Variants in PLS1 observed in about 807,000 individuals in gnomAD.
PLS1 encodes the protein plastin 1, also known as plastin-1.
PLS1 carries 32 observed loss-of-function variants against 73.7 expected under a neutral mutation model. That is an observed-to-expected ratio of 0.43 (90% CI 0.33 to 0.58). The LOEUF is 0.58. PLS1 is among the 20% of genes least tolerant of loss of function. PLS1 has a pLI of 0.04. For synonymous variants in PLS1, 217 were observed against 261.3 expected, an observed-to-expected ratio of 0.83 and a Z score of 1.63; for missense variants, 633 against 740.5, an observed-to-expected ratio of 0.85 and a Z score of 1.68.
intron 1 of PLS1, among the ~76,000 whole-genome samples, chr3:142,615,700 A>G (rs924435587): frequency 2.0e-5 from 3 of 152,162 alleles, no homozygotes; most frequent in Non-Finnish European, 4.4e-5. Context: ...GTCTGTTATC[A>G]TGTGAAGGAA....
intron 1 of PLS1, among the ~76,000 whole-genome samples, chr3:142,652,011 G>A (rs1217957803): frequency 6.6e-6 from 1 of 152,126 alleles, no homozygotes; most frequent in African/African-American, 2.4e-5. Flanking sequence ...TTTCCAGGGG[G>A]TAGGCATTAT....
At chr3:142,692,054 A>G (rs930337932) in intron 10 of PLS1, among the ~76,000 whole-genome samples, 1 of 152,080 alleles carries the variant, frequency 6.6e-6, no homozygotes, top group African/African-American at 2.4e-5. Context: ...AGACTAATAA[A>G]CTTAATTTGA....
chr3:142,617,405 T>C (rs573616667), intron 1 of PLS1, among the ~76,000 whole-genome samples: 3 of 152,342 alleles, frequency 2.0e-5, no homozygotes, highest in East Asian at 1.9e-4. Flanking sequence ...GTGATCATCA[T>C]AGTAACTGAA....
intron 1 of PLS1, among the ~76,000 whole-genome samples, chr3:142,632,623 G>C: frequency 6.6e-6 from 1 of 150,858 alleles, no homozygotes; most frequent in East Asian, 1.9e-4. Flanking sequence ...CCCTGAGACG[G>C]GGTCTTGTTC....
intron 10 of PLS1, among the ~76,000 whole-genome samples, chr3:142,690,252 A>T (rs893673112): frequency 1.3e-5 from 2 of 152,160 alleles, no homozygotes; most frequent in East Asian, 3.8e-4. Flanking sequence ...GTCTATCGTT[A>T]TCTGTCTCAT....
chr3:142,644,353 G>A lies in PLS1; in HGVS notation c.-36-19849G>A, dbSNP rs1027344456. 2.0e-5 allele frequency among the ~76,000 whole-genome samples: 3 copies of A among 151,736 alleles called. No homozygotes were observed. In the East Asian group the frequency reaches 5.8e-4, roughly 29 times the overall value. ...GCAGCCTCGACTTCCCAGGCTCAAG[G>A]GATTCTCCTACCTCAGCCTCCTGAG... On this transcript the variant is annotated intron_variant, in intron 1 of 15. Transcript: ENST00000457734.
chr3:142,669,300 T>C, intron 2 of PLS1, 90 bp from the exon 3 acceptor site: 1 of 678,642 alleles, frequency 1.5e-6, no homozygotes, highest in Non-Finnish European at 2.4e-6. Context: ...AAAGGCTCTG[T>C]CTGCACATCT....
intron 13 of PLS1, 36 bp from the exon 14 acceptor site, chr3:142,704,427 C>G: frequency 6.4e-7 from 1 of 1,552,356 alleles, no homozygotes. Flanking sequence ...AAATTTCACC[C>G]TTTTCAGTCT....
In PLS1 at chr3:142,701,923, T is replaced by A. The variant is rs1347368351; in HGVS notation, c.1372-1945T>A. Among the ~76,000 whole-genome samples the A allele has an allele frequency of 2.0e-5, 3 of 152,380 alleles. No homozygotes were observed. In the East Asian group the frequency reaches 5.8e-4, roughly 29 times the overall value. ...ATTCAAGTGCTAATGTTATTTTCCATAAATTAGGAATCTATTCTATTTTTT... is the reference window on the plus strand; with the variant it reads ...ATTCAAGTGCTAATGTTATTTTCCAAAAATTAGGAATCTATTCTATTTTTT... On this transcript the variant is annotated intron_variant, in intron 12 of 15. Transcript: ENST00000457734.
chr3:142,684,227 T>G, intron 7 of PLS1, 26 bp from the exon 8 acceptor site: 1 of 1,613,926 alleles, frequency 6.2e-7, no homozygotes, highest in Non-Finnish European at 8.5e-7. Context: ...ATGGGAAGAA[T>G]TTACATTTCG....
intron 11 of PLS1, among the ~76,000 whole-genome samples, chr3:142,695,757 CTTACTTATTTA>C (rs1323883894): frequency 5.9e-5 from 8 of 135,026 alleles, no homozygotes; most frequent in African/African-American, 2.1e-4. Flanking sequence ...AGTAAGGAGA[CTTACTTATTTA>C]TTTATTTATT....
At chr3:142,691,456 T>TA in intron 10 of PLS1, among the ~76,000 whole-genome samples, 1 of 152,138 alleles carries the variant, frequency 6.6e-6, no homozygotes, top group Non-Finnish European at 1.5e-5. Flanking sequence ...AGTGGCATAT[T>TA]AAAAATGATC....
At chr3:142,665,365 A>G (rs924835592) in intron 2 of PLS1, among the ~76,000 whole-genome samples, 3 of 151,944 alleles carry the variant, frequency 2.0e-5, no homozygotes, top group African/African-American at 7.2e-5. Context: ...TTACTGTGAA[A>G]TAAAGTAAAC....
At chr3:142,638,637 T>C (rs568485672) in intron 1 of PLS1, among the ~76,000 whole-genome samples, 39 of 152,372 alleles carry the variant, frequency 2.6e-4, no homozygotes, top group South Asian at 1.0e-3. Flanking sequence ...GCTTGTATTA[T>C]ATTTGATTTA....
intron 1 of PLS1, chr3:142,619,336 T>C (rs2036273989): frequency 1.3e-5 from 2 of 152,192 alleles, no homozygotes. Flanking sequence ...GCCTGCCATA[T>C]GCTCCCCTGC....
chr3:142,706,738 C>T (rs532924224), intron 14 of PLS1, among the ~76,000 whole-genome samples: 10 of 151,938 alleles, frequency 6.6e-5, no homozygotes, highest in Non-Finnish European at 1.5e-4. Context: ...GATTAGAAAG[C>T]TATAAGTTAT....
chr3:142,636,788 A>G (rs1213396266), intron 1 of PLS1, among the ~76,000 whole-genome samples: 2 of 152,208 alleles, frequency 1.3e-5, no homozygotes, highest in Non-Finnish European at 2.9e-5. Flanking sequence ...CGAAGAAGAT[A>G]TATGGATGGG....
In PLS1 at chr3:142,711,995, C is replaced by A; in HGVS notation, c.1878C>A (p.Asn626Lys). 1 of 1,612,996 alleles carries A rather than the reference C, an allele frequency of 6.2e-7. No homozygotes were observed. Among genetic ancestry groups the A allele is most frequent in the Non-Finnish European group, 8.5e-7 (1 of 1,179,104 alleles). ...VFACLMGKGL[N>K]RIK The stretch of plus-strand genomic sequence containing the variant: ...CATGCTTAATGGGAAAAGGACTGAA[C>A]AGAATAAAATAATCATTTCATATGA... The change falls in exon 16 of 16, where the codon AAC (asparagine) becomes AAA (lysine). Residue 626 changes from asparagine to lysine, a missense_variant. Transcript: ENST00000457734.
intron 1 of PLS1, among the ~76,000 whole-genome samples, chr3:142,635,334 C>A (rs1157886428): frequency 6.6e-5 from 10 of 151,666 alleles, no homozygotes; most frequent in African/African-American, 2.2e-4. Context: ...AAAAACTTAA[C>A]CTTATCGATA....
Sources: allele counts gnomAD v4.1 joint callset (sites outside exome capture counted in the v4.1 genomes callset), GRCh38; gene constraint gnomAD v4.1.1; transcripts MANE v1.5; gene names NCBI Gene and HGNC (gene_info 2026-07-23, HGNC 2026-07-21).